Variants in MAP2K6 observed in about 807,000 individuals in gnomAD.
MAP2K6 encodes the protein dual specificity mitogen-activated protein kinase kinase 6.
In MAP2K6, 16 loss-of-function variants were observed where a neutral mutation model predicts 53.7. The observed-to-expected ratio is 0.30, with a 90% CI of 0.20 to 0.45. MAP2K6 has a LOEUF of 0.45. MAP2K6 is among the 20% of genes least tolerant of loss of function. MAP2K6 has a pLI of 1.00. For missense variants in MAP2K6, 204 were observed against 411.9 expected (o/e 0.50, Z 4.37); for synonymous variants, 132 against 143.1 (o/e 0.92, Z 0.55).
At chr17:69,522,130 T>C (rs780223894) in intron 7 of MAP2K6, among the ~76,000 whole-genome samples, 4 of 152,186 alleles carry the variant, frequency 2.6e-5, no homozygotes, top group Non-Finnish European at 4.4e-5. Context: ...GGAAGAATAA[T>C]GGAATGTATT....
chr17:69,516,706 C>A, intron 2 of MAP2K6, 149 bp from the exon 3 acceptor site: 1 of 556,760 alleles, frequency 1.8e-6, no homozygotes, highest in Admixed American at 3.2e-5. Flanking sequence ...TTCAAATCCC[C>A]TCTTATTCAC....
At chr17:69,415,502 T>G (rs1458036476) in intron 1 of MAP2K6, among the ~76,000 whole-genome samples, 1 of 152,208 alleles carries the variant, frequency 6.6e-6, no homozygotes, top group Non-Finnish European at 1.5e-5. Flanking sequence ...AAATTTCCAT[T>G]GATATCGCCT....
chr17:69,434,239 A>G (rs1906566610), intron 1 of MAP2K6: 2 of 152,232 alleles, frequency 1.3e-5, no homozygotes, highest in Non-Finnish European at 2.9e-5. Flanking sequence ...CTCAACTCAT[A>G]ATGACATTTT....
rs571329055 is a variant in MAP2K6 at position 69,436,823 on chromosome 17, T to G, written c.16+21823T>G. 1.2e-4 allele frequency among the ~76,000 whole-genome samples: 19 copies of G among 152,036 alleles called. No individual in the cohort carries two copies. The South Asian group carries it at 3.9e-3, about 32-fold the overall frequency. On this transcript the variant is annotated intron_variant, in intron 1 of 11. Transcript: ENST00000590474. ...TCTTCTTTTTTTCTTTTCTTTTCTT[T>G]TATTTATTTATTTTTTTAGACACTG...
At chr17:69,456,379 T>C (rs1907412232) in intron 1 of MAP2K6, among the ~76,000 whole-genome samples, 2 of 152,212 alleles carry the variant, frequency 1.3e-5, no homozygotes, top group African/African-American at 4.8e-5. Context: ...GGGGTTTGTA[T>C]TGAGTCTTAT....
chr17:69,442,303 C>T lies in MAP2K6; in HGVS notation c.16+27303C>T, dbSNP rs1429849916. On this transcript the variant is annotated intron_variant, in intron 1 of 11. Transcript: ENST00000590474. ...TGCTCTAAGAGCACTTCACTGTTTCCAGACCTCTGGATTTTACCTCTCATG... is the reference window on the plus strand; with the variant it reads ...TGCTCTAAGAGCACTTCACTGTTTCTAGACCTCTGGATTTTACCTCTCATG... Among the ~76,000 whole-genome samples the T allele has an allele frequency of 2.0e-5, 3 of 152,098 alleles. No individual in the cohort carries two copies. In the East Asian group the frequency reaches 5.8e-4, roughly 29 times the overall value.
At chr17:69,416,291 T>A (rs1338738455) in intron 1 of MAP2K6, among the ~76,000 whole-genome samples, 10 of 151,968 alleles carry the variant, frequency 6.6e-5, no homozygotes, top group Admixed American at 6.6e-4. Flanking sequence ...ATCTCAAGCA[T>A]TCAAAGTAGC....
In MAP2K6 at chr17:69,494,630, C is replaced by A. The variant is rs1242755024; in HGVS notation, c.17-11150C>A. Among the ~76,000 whole-genome samples, 4 of 152,108 alleles carry A rather than the reference C, an allele frequency of 2.6e-5. No individual in the cohort carries two copies. Among genetic ancestry groups the A allele is most frequent in the Non-Finnish European group, 5.9e-5 (4 of 67,998 alleles). Reference sequence around the variant, plus strand: ...AACGTTCCTTTGTTTCTTTATTACCCCCTTAGTCTTCAAGCAGCTGGTTGA... The same window carrying A: ...AACGTTCCTTTGTTTCTTTATTACCACCTTAGTCTTCAAGCAGCTGGTTGA... On this transcript the variant is annotated intron_variant, in intron 1 of 11. Coordinates refer to ENST00000590474, the MANE Select transcript of MAP2K6 (RefSeq NM_002758.4). The surrounding 1 kb of genome is among the most constrained non-coding windows in gnomAD (Gnocchi z 4.2).
intron 2 of MAP2K6, among the ~76,000 whole-genome samples, chr17:69,513,398 G>A (rs1020098376): frequency 2.0e-5 from 3 of 152,162 alleles, no homozygotes; most frequent in African/African-American, 4.8e-5. Context: ...GCTGAGATTC[G>A]GGTGACTTGA....
rs1393397676 is a variant in MAP2K6 at position 69,549,267 on chromosome 17, C to A, written c.*7514C>A. The A allele has an allele frequency of 6.6e-6, 1 of 152,078 alleles. No individual in the cohort carries two copies. The highest frequency in any genetic ancestry group is 1.9e-4 in the East Asian group (1 of 5,202). The allele number at this position is 152,078 out of a possible 1,614,324, so 9.4% of individuals were successfully genotyped here. ...TTCTCCAGTTTACACTTTTGCATTT[C>A]TGAGATTCAGGGTCTTTTTCAAGGA... On this transcript the variant is annotated 3_prime_UTR_variant, in exon 12 of 12. Transcript: ENST00000590474.
chr17:69,533,993 A>G (rs1911225659), intron 10 of MAP2K6, among the ~76,000 whole-genome samples: 1 of 152,164 alleles, frequency 6.6e-6, no homozygotes, highest in African/African-American at 2.4e-5. Context: ...TACACAAAGC[A>G]CAGCGTTTCT....
At chr17:69,434,690 A>T (rs1377161981) in intron 1 of MAP2K6, 3 of 152,068 alleles carry the variant, frequency 2.0e-5, no homozygotes, top group Non-Finnish European at 4.4e-5. Flanking sequence ...TTATTTTTCC[A>T]CTTTCTTTTT....
intron 1 of MAP2K6, among the ~76,000 whole-genome samples, chr17:69,493,301 ATGTGTT>A (rs1908821974): frequency 9.8e-6 from 1 of 101,940 alleles, no homozygotes; most frequent in African/African-American, 3.5e-5. Flanking sequence ...AAAACAGTGT[ATGTGTT>A]TGTGTGTGTG....
intron 4 of MAP2K6, 75 bp from the exon 5 acceptor site, chr17:69,519,238 A>G: frequency 6.6e-7 from 1 of 1,504,434 alleles, no homozygotes. Context: ...TATTTTCACG[A>G]TGGGACTCCT....
rs3222089 is a variant in MAP2K6, at chr17:69,498,650, C to CCACA, written c.17-7098_17-7095dup. On this transcript the variant is annotated intron_variant, in intron 1 of 11. Coordinates refer to ENST00000590474, the MANE Select transcript of MAP2K6 (RefSeq NM_002758.4). ...GAAGCCACACACACACACCTGGAAG[C>CCACA]CACACACACACACACACACACACAC... Among the ~76,000 whole-genome samples, 843 of 145,524 alleles carry CCACA rather than the reference C, an allele frequency of 5.8e-3. 9 individuals are homozygous for CCACA. The highest frequency in any genetic ancestry group is 0.014 in the African/African-American group (539 of 39,074).
At chr17:69,441,516 C>G (rs1375047420) in intron 1 of MAP2K6, among the ~76,000 whole-genome samples, 1 of 152,112 alleles carries the variant, frequency 6.6e-6, no homozygotes, top group African/African-American at 2.4e-5. Flanking sequence ...CTGAGATGTC[C>G]TCTTGTCATT....
intron 10 of MAP2K6, among the ~76,000 whole-genome samples, chr17:69,534,655 G>A (rs1345269206): frequency 4.0e-5 from 6 of 150,928 alleles, no homozygotes; most frequent in African/African-American, 1.2e-4. Flanking sequence ...ACCTTACCCC[G>A]TCATGCTTAG....
chr17:69,482,289 T>A (rs755486090), intron 1 of MAP2K6, among the ~76,000 whole-genome samples: 1 of 152,150 alleles, frequency 6.6e-6, no homozygotes, highest in Non-Finnish European at 1.5e-5. Context: ...CTGGCTTTTA[T>A]GGTATGTGAT....
Position 69,466,654 on chromosome 17 carries a change from T to A in MAP2K6, c.17-39126T>A, listed in dbSNP as rs192358920. Among the ~76,000 whole-genome samples the A allele has an allele frequency of 2.6e-3, 402 of 152,324 alleles. 1 individual carries two copies. The highest frequency in any genetic ancestry group is 2.4e-3 in the Non-Finnish European group (166 of 68,026). On this transcript the variant is annotated intron_variant, in intron 1 of 11. Coordinates refer to ENST00000590474, the MANE Select transcript of MAP2K6 (RefSeq NM_002758.4). The stretch of plus-strand genomic sequence containing the variant: ...AGCAATCCCTGTGAATGCCGGGAAA[T>A]CCCGTGGCATTTTCTTACAGAAACA...
Sources: allele counts gnomAD v4.1 joint callset (sites outside exome capture counted in the v4.1 genomes callset), GRCh38; gene constraint gnomAD v4.1.1; non-coding constraint Gnocchi (gnomAD v3.1); transcripts MANE v1.5; gene names NCBI Gene and HGNC (gene_info 2026-07-23, HGNC 2026-07-21).